Variants in COL21A1 observed in about 807,000 individuals in gnomAD.
COL21A1 encodes collagen type XXI alpha 1 chain.
In COL21A1, 149 loss-of-function variants were observed where a neutral mutation model predicts 137.9. That is an observed-to-expected ratio of 1.08 (90% CI 0.95 to 1.24). COL21A1 has a LOEUF of 1.24. COL21A1 is among the 50% of genes most tolerant of loss of function. COL21A1 has a pLI of 0.00. For missense variants in COL21A1, 1,167 were observed against 1,158.4 expected (o/e 1.01, Z -0.11); for synonymous variants, 456 against 391.5 (o/e 1.16, Z -1.95).
chr6:56,152,536 C>T (rs1176712218), intron 10 of COL21A1, among the ~76,000 whole-genome samples: 2 of 152,152 alleles, frequency 1.3e-5, no homozygotes, highest in African/African-American at 2.4e-5. Flanking sequence ...TACACACAGA[C>T]ACCAAAACAC....
intron 1 of COL21A1, among the ~76,000 whole-genome samples, chr6:56,220,692 C>CTA (rs1780774776): frequency 2.0e-5 from 3 of 152,246 alleles, no homozygotes; most frequent in Admixed American, 1.3e-4. Context: ...TTAGACAGTT[C>CTA]TAATTGCTAC....
chr6:56,218,704 T>C (rs776285610), intron 1 of COL21A1, among the ~76,000 whole-genome samples: 10 of 152,158 alleles, frequency 6.6e-5, no homozygotes, highest in Non-Finnish European at 1.3e-4. Flanking sequence ...GCGATTTTCT[T>C]ATTCGAGTTG....
chr6:56,390,495 GAC>G (rs35424168), intron 1 of COL21A1, among the ~76,000 whole-genome samples: 17,757 of 139,578 alleles, frequency 0.13, 1,103 homozygotes, highest in Middle Eastern at 0.24. Context: ...TGGCTGAATG[GAC>G]ACACACACAC....
intron 1 of COL21A1, among the ~76,000 whole-genome samples, chr6:56,301,027 A>G (rs553328194): frequency 1.6e-4 from 24 of 152,274 alleles, no homozygotes; most frequent in African/African-American, 5.5e-4. Context: ...TGTTACTCTC[A>G]AGGAGGTGGA....
At chr6:56,185,735 T>A (rs944161050) in intron 1 of COL21A1, among the ~76,000 whole-genome samples, 2 of 152,150 alleles carry the variant, frequency 1.3e-5, no homozygotes, top group African/African-American at 4.8e-5. Context: ...GCGCCCGGCC[T>A]GAACAAAGTC....
At chr6:56,323,455 T>C (rs1222246222) in intron 1 of COL21A1, among the ~76,000 whole-genome samples, 6 of 152,320 alleles carry the variant, frequency 3.9e-5, no homozygotes, top group East Asian at 1.9e-4. Context: ...AATGGCACAA[T>C]CTCAGCTGTC....
intron 1 of COL21A1, among the ~76,000 whole-genome samples, chr6:56,233,829 G>T (rs79308593): frequency 0.068 from 10,303 of 151,184 alleles, 413 homozygotes; most frequent in South Asian, 0.12. Context: ...TGGGGGAGAG[G>T]CAGGATGCCT....
chr6:56,268,316 A>G (rs1370650644), intron 1 of COL21A1, among the ~76,000 whole-genome samples: 1 of 152,158 alleles, frequency 6.6e-6, no homozygotes, highest in East Asian at 1.9e-4. Flanking sequence ...TAAAGGAAAC[A>G]TGGGTGCGGT....
intron 1 of COL21A1, among the ~76,000 whole-genome samples, chr6:56,289,845 C>T (rs763265355): frequency 6.6e-6 from 1 of 151,980 alleles, no homozygotes; most frequent in South Asian, 2.1e-4. Context: ...TATGTGAAAA[C>T]GCTATATAAA....
intron 1 of COL21A1, chr6:56,225,992 A>G (rs905415410): frequency 6.6e-6 from 1 of 152,048 alleles, no homozygotes; most frequent in Non-Finnish European, 1.5e-5. Context: ...GGAAGTTACA[A>G]AGAGTATTAT....
chr6:56,291,000 T>G (rs924483616), intron 1 of COL21A1, among the ~76,000 whole-genome samples: 1 of 152,016 alleles, frequency 6.6e-6, no homozygotes, highest in African/African-American at 2.4e-5. Context: ...ATGTGATCCA[T>G]GGACCAGCGA....
intron 21 of COL21A1, among the ~76,000 whole-genome samples, chr6:56,069,541 G>T (rs12203464): frequency 0.15 from 22,581 of 149,960 alleles, 1,733 homozygotes; most frequent in Middle Eastern, 0.18. Flanking sequence ...CAAAATAATA[G>T]AAATAATAAA....
intron 1 of COL21A1, among the ~76,000 whole-genome samples, chr6:56,342,536 A>G (rs539916569): frequency 1.8e-4 from 27 of 152,314 alleles, no homozygotes; most frequent in Non-Finnish European, 3.5e-4. Context: ...GACAAAATCA[A>G]TGCCTTGCTT....
intron 10 of COL21A1, among the ~76,000 whole-genome samples, chr6:56,146,091 C>T (rs6935986): frequency 6.6e-6 from 1 of 152,198 alleles, no homozygotes; most frequent in South Asian, 2.1e-4. Context: ...TAAATATACA[C>T]ATTTTTGCAA....
At position 56,366,777 on chromosome 6, in the gene COL21A1, T is replaced by G. The variant is rs566899949; in HGVS notation, c.-39+27194A>C. On this transcript the variant is annotated intron_variant, in intron 1 of 28. Coordinates refer to the COL21A1 transcript ENST00000370819. ...CACACTTCCACGAGTGGAAAACTGT[T>G]TCACAGCAAGAAAAACAGCACAACA... is the stretch of plus-strand genomic sequence containing the variant. Among the ~76,000 whole-genome samples, 4 of 152,334 alleles carry G rather than the reference T, an allele frequency of 2.6e-5. No individual in the cohort carries two copies. In the South Asian group the frequency reaches 8.3e-4, roughly 32 times the overall value.
At chr6:56,164,563 C>T (rs1358446892) in intron 8 of COL21A1, 57 bp from the exon 9 acceptor site, 93 of 1,231,592 alleles carry the variant, frequency 7.6e-5, no homozygotes, top group Non-Finnish European at 9.6e-5. Flanking sequence ...TAAGTACATG[C>T]ACACGTATGT....
intron 16 of COL21A1, among the ~76,000 whole-genome samples, chr6:56,112,515 T>TC (rs372992826): frequency 1.0e-3 from 153 of 151,864 alleles, no homozygotes; most frequent in African/African-American, 3.6e-3. Flanking sequence ...CCCTCCCCCT[T>TC]CCCCAGCAGA....
intron 17 of COL21A1, among the ~76,000 whole-genome samples, chr6:56,098,635 AT>A (rs1336587315): frequency 1.7e-5 from 1 of 58,356 alleles, no homozygotes; most frequent in African/African-American, 9.2e-5. Flanking sequence ...AAATATATAT[AT>A]AAATATATAT....
chr6:56,103,919 C>A (rs997820570), intron 16 of COL21A1, among the ~76,000 whole-genome samples: 1 of 152,136 alleles, frequency 6.6e-6, no homozygotes, highest in Non-Finnish European at 1.5e-5. Context: ...GACTGCTAGT[C>A]TTGGACAACA....
Sources: allele counts gnomAD v4.1 joint callset (sites outside exome capture counted in the v4.1 genomes callset), GRCh38; gene constraint gnomAD v4.1.1; transcripts MANE v1.5; gene names NCBI Gene and HGNC (gene_info 2026-07-23, HGNC 2026-07-21).